Variants in ASAP1 observed in about 807,000 individuals in gnomAD.
ASAP1 encodes the protein ArfGAP with SH3 domain, ankyrin repeat and PH domain 1.
ASAP1 carries 43 observed loss-of-function variants against 145.2 expected under a neutral mutation model. The observed-to-expected ratio is 0.30, with a 90% CI of 0.23 to 0.38. The LOEUF (loss-of-function observed/expected upper bound fraction) is 0.38. ASAP1 is among the 10% of genes least tolerant of loss of function. The pLI, the probability that ASAP1 is intolerant of heterozygous loss-of-function variation, is 1.00. For synonymous variants in ASAP1, 546 were observed against 515.5 expected, an observed-to-expected ratio of 1.06 and a Z score of -0.80; for missense variants, 1,018 against 1,355.3, an observed-to-expected ratio of 0.75 and a Z score of 3.91.
intron 3 of ASAP1, among the ~76,000 whole-genome samples, chr8:130,282,669 CCCAACAAAGTAT>C (rs1321376036): frequency 9.9e-5 from 15 of 152,172 alleles, no homozygotes; most frequent in African/African-American, 3.6e-4. Flanking sequence ...TTGGCAATTA[CCCAACAAAGTAT>C]CCACATTATT....
intron 9 of ASAP1, among the ~76,000 whole-genome samples, chr8:130,176,268 A>G (rs1056674816): frequency 1.3e-5 from 2 of 152,220 alleles, no homozygotes; most frequent in Non-Finnish European, 2.9e-5. Flanking sequence ...GAGAAGAATA[A>G]ATCTTAAAAA....
At chr8:130,155,203 G>A (rs916266035) in intron 12 of ASAP1, among the ~76,000 whole-genome samples, 1 of 151,952 alleles carries the variant, frequency 6.6e-6, no homozygotes, top group Non-Finnish European at 1.5e-5. Context: ...ACACACACAC[G>A]CGCGCACACA....
intron 25 of ASAP1, chr8:130,083,204 C>T (rs1394044682): frequency 3.3e-5 from 5 of 152,234 alleles, no homozygotes; most frequent in African/African-American, 4.8e-5. Context: ...GTCCAGAGTT[C>T]TCACTTAACC....
chr8:130,172,155 C>T (rs532829297), intron 9 of ASAP1, among the ~76,000 whole-genome samples: 62 of 152,300 alleles, frequency 4.1e-4, no homozygotes, highest in Non-Finnish European at 7.6e-4. Context: ...AAGTGTGGGG[C>T]AGTTAGCATG....
In ASAP1 at chr8:130,443,637, G is replaced by C. The variant is rs1830574258; in HGVS notation, c.-205C>G. 1 of 151,750 alleles carries C rather than the reference G, an allele frequency of 6.6e-6. No individual in the cohort carries two copies. Among genetic ancestry groups the C allele is most frequent in the African/African-American group, 2.4e-5 (1 of 41,372 alleles). The allele number at this position is 151,750 out of a possible 1,614,324, so 9.4% of individuals were successfully genotyped here. A position where few individuals can be genotyped will look rare whatever the true frequency, so the allele number is the denominator to read the frequency against. On this transcript the variant is annotated 5_prime_UTR_variant, in exon 1 of 30. Transcript: ENST00000518721. ...AGCGGCCAGGCCAGGCGAGGCGCGG[G>C]AGCCGAGCGCGGCGCAGGAAGGGGC...
intron 2 of ASAP1, among the ~76,000 whole-genome samples, chr8:130,396,338 C>T (rs537499649): frequency 1.3e-5 from 2 of 152,284 alleles, no homozygotes; most frequent in South Asian, 4.1e-4. Context: ...TAGGACCTGG[C>T]ACACAGTCGC....
intron 29 of ASAP1, among the ~76,000 whole-genome samples, chr8:130,055,453 C>T (rs2097401818): frequency 6.6e-6 from 1 of 151,886 alleles, no homozygotes; most frequent in Admixed American, 6.6e-5. Context: ...CCTGGCAAGA[C>T]CCACTGCGGG....
At chr8:130,339,159 G>C (rs1825220053) in intron 3 of ASAP1, among the ~76,000 whole-genome samples, 1 of 152,218 alleles carries the variant, frequency 6.6e-6, no homozygotes, top group African/African-American at 2.4e-5. Context: ...AAAAGCCATA[G>C]ACACGAATCA....
At chr8:130,442,284 G>T (rs181923739) in intron 1 of ASAP1, among the ~76,000 whole-genome samples, 5 of 152,216 alleles carry the variant, frequency 3.3e-5, no homozygotes, top group Admixed American at 2.6e-4. Context: ...CTGAAGAAGT[G>T]GAAACTACTC....
intron 13 of ASAP1, among the ~76,000 whole-genome samples, chr8:130,147,253 ATGGGGATAGT>A: frequency 6.7e-6 from 1 of 150,062 alleles, no homozygotes; most frequent in Admixed American, 6.6e-5. Flanking sequence ...ACAGTTTAAA[ATGGGGATAGT>A]TGTACATTAG....
At chr8:130,211,666 A>G (rs1388587737) in intron 5 of ASAP1, among the ~76,000 whole-genome samples, 1 of 152,246 alleles carries the variant, frequency 6.6e-6, no homozygotes, top group East Asian at 1.9e-4. Flanking sequence ...AAAAATAAGT[A>G]ATGATTTAGT....
intron 4 of ASAP1, among the ~76,000 whole-genome samples, 182 bp from the exon 5 acceptor site, chr8:130,214,883 G>C (rs1483559429): frequency 6.6e-6 from 1 of 151,964 alleles, no homozygotes; most frequent in Non-Finnish European, 1.5e-5. Flanking sequence ...CTCTACTAAG[G>C]AAGATTTTCC....
At chr8:130,227,989 G>C (rs1417262830) in intron 4 of ASAP1, among the ~76,000 whole-genome samples, 1 of 152,160 alleles carries the variant, frequency 6.6e-6, no homozygotes, top group Non-Finnish European at 1.5e-5. Flanking sequence ...GGTCTCTTTG[G>C]ATCAGTTGCT....
chr8:130,152,838 T>C, intron 12 of ASAP1, 33 bp from the exon 13 acceptor site: 1 of 1,507,624 alleles, frequency 6.6e-7, no homozygotes, highest in Non-Finnish European at 9.2e-7. Context: ...CTAGATATAG[T>C]AACTGATTCA....
intron 18 of ASAP1, among the ~76,000 whole-genome samples, chr8:130,119,523 C>T (rs1050128163): frequency 6.6e-6 from 1 of 152,122 alleles, no homozygotes; most frequent in African/African-American, 2.4e-5. Flanking sequence ...AGTAAATGAC[C>T]TAAGTGGCCC....
intron 23 of ASAP1, among the ~76,000 whole-genome samples, chr8:130,112,883 G>A (rs894216160): frequency 2.6e-5 from 4 of 152,150 alleles, no homozygotes; most frequent in African/African-American, 9.7e-5. Flanking sequence ...TGGTATTTGC[G>A]CTTGTGGTGA....
intron 3 of ASAP1, among the ~76,000 whole-genome samples, chr8:130,282,639 T>C (rs1402296193): frequency 1.3e-5 from 2 of 152,190 alleles, no homozygotes; most frequent in Non-Finnish European, 2.9e-5. Flanking sequence ...CAAGCCACAA[T>C]ATCAAAACCA....
At position 130,092,099 on chromosome 8, in the gene ASAP1, A is replaced by C; in HGVS notation, c.2446T>G (p.Ser816Ala). Residue 816 changes from serine (S) to alanine (A), a missense_variant, in exon 25 of 30, where the codon TCT becomes GCT. Coordinates refer to ENST00000518721, the MANE Select transcript of ASAP1 (RefSeq NM_018482.4). Reference protein sequence around the residue: ...PSTLPLSTQTSSGSSTLSKKR... With the variant: ...PSTLPLSTQTASGSSTLSKKR... ...TTGGATAGGGTGGAGCTGCCACTAGAGGTCTGGGTGCTTAGAGGGAGTGTT... is the reference window on the plus strand; with the variant it reads ...TTGGATAGGGTGGAGCTGCCACTAGCGGTCTGGGTGCTTAGAGGGAGTGTT... 1.3e-6 allele frequency: 2 copies of C among 1,569,252 alleles called. No individual in the cohort carries two copies. The highest frequency in any genetic ancestry group is 1.4e-5 in the African/African-American group (1 of 71,144).
chr8:130,083,182 A>G (rs2097485183), intron 25 of ASAP1: 1 of 152,160 alleles, frequency 6.6e-6, no homozygotes, highest in South Asian at 2.1e-4. Context: ...CCCAATACCC[A>G]CAGGCCCAAA....
Sources: allele counts gnomAD v4.1 joint callset (sites outside exome capture counted in the v4.1 genomes callset), GRCh38; gene constraint gnomAD v4.1.1; transcripts MANE v1.5; gene names NCBI Gene and HGNC (gene_info 2026-07-23, HGNC 2026-07-21).